The following ANKMY1 variants were observed in gnomAD, a reference collection of about 807,000 sequenced individuals.
ANKMY1 encodes the protein ankyrin repeat and MYND domain containing 1.
Under a neutral mutation model 102.0 loss-of-function variants are expected in ANKMY1, and 98 were observed. That is an observed-to-expected ratio of 0.96 (90% CI 0.82 to 1.14). The LOEUF (loss-of-function observed/expected upper bound fraction) is 1.14, where lower values mean the gene tolerates loss of function less well. Ranked by LOEUF, ANKMY1 falls within the 50% of genes most tolerant of loss-of-function variation. The probability of loss-of-function intolerance (pLI) is 0.00; values close to 1 mark genes in which losing one functional copy is unlikely to be tolerated. For synonymous variants in ANKMY1, 582 were observed against 559.9 expected, an observed-to-expected ratio of 1.04 and a Z score of -0.56; for missense variants, 1,330 against 1,347.6, an observed-to-expected ratio of 0.99 and a Z score of 0.20.
chr2:240,488,881 T>TA (rs2076337319), intron 15 of ANKMY1, among the ~76,000 whole-genome samples: 1 of 152,132 alleles, frequency 6.6e-6, no homozygotes, highest in African/African-American at 2.4e-5. Flanking sequence ...AGTCTTTAGG[T>TA]TTTTCTAGAT....
At chr2:240,508,639 C>A (rs1436700573) in intron 12 of ANKMY1, among the ~76,000 whole-genome samples, 1 of 152,196 alleles carries the variant, frequency 6.6e-6, no homozygotes. Context: ...GGCCTGGCTC[C>A]TCCAACGAGA....
intron 15 of ANKMY1, among the ~76,000 whole-genome samples, chr2:240,485,148 G>A (rs2075894197): frequency 6.6e-6 from 1 of 152,036 alleles, no homozygotes; most frequent in Non-Finnish European, 1.5e-5. Flanking sequence ...CTAACACAGT[G>A]AAACCCCGTC....
At chr2:240,552,833 G>A in intron 4 of ANKMY1, 81 bp downstream of exon 4, 1 of 1,600,040 alleles carries the variant, frequency 6.2e-7, no homozygotes, top group Non-Finnish European at 8.5e-7. Flanking sequence ...AACTTCCCCA[G>A]GACCGAAATA....
chr2:240,509,071 G>A (rs977580491), intron 12 of ANKMY1, among the ~76,000 whole-genome samples: 5 of 151,924 alleles, frequency 3.3e-5, no homozygotes, highest in Non-Finnish European at 7.4e-5. Flanking sequence ...GTAGATGGAT[G>A]GGTGAGTAGA....
chr2:240,540,694 T>G (rs543658856), intron 4 of ANKMY1, among the ~76,000 whole-genome samples: 2 of 152,348 alleles, frequency 1.3e-5, no homozygotes, highest in African/African-American at 2.4e-5. Context: ...GATTAAAGCC[T>G]TCTTCTTTTG....
upstream of ANKMY1, chr2:240,560,747 C>T (rs767410576): frequency 3.4e-5 from 51 of 1,509,202 alleles, no homozygotes; most frequent in African/African-American, 5.5e-4. Context: ...CGTTGGTGCG[C>T]GTCGCGCCCT....
upstream of ANKMY1, chr2:240,558,436 G>C (rs1432548030): frequency 6.6e-6 from 1 of 151,676 alleles, no homozygotes; most frequent in East Asian, 1.9e-4. Context: ...GGCCGCAAGA[G>C]TCACCGCAGA....
chr2:240,503,820 G>A lies in ANKMY1; in HGVS notation c.2527-3255C>T, dbSNP rs180768966. On this transcript the variant is annotated intron_variant, in intron 13 of 17. Coordinates refer to ENST00000401804, the MANE Select transcript of ANKMY1 (RefSeq NM_001282771.3). ...ATTTGGACATAGGGTCGTTGCAGACGATCAAAGTAACATGAGGTCCTTAGG... is the reference window on the plus strand; with the variant it reads ...ATTTGGACATAGGGTCGTTGCAGACAATCAAAGTAACATGAGGTCCTTAGG... Among the ~76,000 whole-genome samples, 111 of 152,312 alleles carry A rather than the reference G, an allele frequency of 7.3e-4. 2 individuals are homozygous for A. The highest frequency in any genetic ancestry group is 2.6e-3 in the African/African-American group (107 of 41,566).
At chr2:240,513,838 C>T (rs1287742328) in intron 9 of ANKMY1, among the ~76,000 whole-genome samples, 1 of 152,232 alleles carries the variant, frequency 6.6e-6, no homozygotes, top group Non-Finnish European at 1.5e-5. Flanking sequence ...GGGCCAGCAG[C>T]GTCCATACCC....
chr2:240,484,410 C>T (rs1434034018), intron 15 of ANKMY1, among the ~76,000 whole-genome samples: 1 of 152,170 alleles, frequency 6.6e-6, no homozygotes, highest in Non-Finnish European at 1.5e-5. Context: ...CATCTACAAC[C>T]ATCTGATCTT....
intron 4 of ANKMY1, among the ~76,000 whole-genome samples, chr2:240,548,460 G>A (rs2090875833): frequency 1.3e-5 from 2 of 152,068 alleles, no homozygotes; most frequent in South Asian, 4.2e-4. Flanking sequence ...GCACAAGACA[G>A]GGATGCCCTC....
Position 240,524,346 on chromosome 2 carries a change from T to G in ANKMY1, c.1371A>C (p.Ser457=). 6.2e-7 allele frequency: 1 copy of G among 1,606,416 alleles called. No homozygotes were observed. Among genetic ancestry groups the G allele is most frequent in the Non-Finnish European group, 8.5e-7 (1 of 1,175,458 alleles). ...CCAGGTTTGTGTCCATAAATGATGATGAAAGGATTGGAACAACTGGGAATT... is the reference window on the plus strand; with the variant it reads ...CCAGGTTTGTGTCCATAAATGATGAGGAAAGGATTGGAACAACTGGGAATT... ...PPKFPVVPIL[S]SSFMDTNLES... Residue 457 remains serine (S), a synonymous_variant, in exon 8 of 18, where the codon TCA becomes TCC. Coordinates refer to ENST00000401804, the MANE Select transcript of ANKMY1 (RefSeq NM_001282771.3).
intron 15 of ANKMY1, among the ~76,000 whole-genome samples, chr2:240,483,500 G>T (rs550127174): frequency 5.1e-4 from 78 of 152,334 alleles, no homozygotes; most frequent in Middle Eastern, 3.4e-3. Flanking sequence ...ACAGCACATA[G>T]ATGGATCTTG....
At position 240,492,399 on chromosome 2, in the gene ANKMY1, CTTAT is replaced by C. The variant is rs1225831380; in HGVS notation, c.2806+7555_2806+7558del. Among the ~76,000 whole-genome samples, 6 of 152,262 alleles carry C rather than the reference CTTAT, an allele frequency of 3.9e-5. No homozygotes were observed. The East Asian group carries it at 1.2e-3, about 29-fold the overall frequency. ...TGTCGTAAATATCATGAAGCCTTTG[CTTAT>C]TTGTTTTTATTCTTTTTTCTTTACC... On this transcript the variant is annotated intron_variant, in intron 15 of 17. Coordinates refer to ENST00000401804, the MANE Select transcript of ANKMY1 (RefSeq NM_001282771.3).
At chr2:240,514,956 T>C (rs562733906) in intron 9 of ANKMY1, among the ~76,000 whole-genome samples, 1 of 152,370 alleles carries the variant, frequency 6.6e-6, no homozygotes, top group South Asian at 2.1e-4. Flanking sequence ...AGTGCTGATG[T>C]TCTGCTCTTG....
In ANKMY1 at chr2:240,518,269, A is replaced by G. The variant is rs565983945; in HGVS notation, c.2004+2093T>C. Among the ~76,000 whole-genome samples the G allele has an allele frequency of 3.9e-5, 6 of 152,282 alleles. No individual in the cohort carries two copies. The East Asian group carries it at 9.6e-4, about 24-fold the overall frequency. ...ACCAGCAGTCCTCCTAAATAGTATC[A>G]AGGAACAGAGACTCACTAGATCACA... On this transcript the variant is annotated intron_variant, in intron 9 of 17. Transcript: ENST00000401804.
At chr2:240,556,713 C>T (rs2092387981) in intron 2 of ANKMY1, among the ~76,000 whole-genome samples, 2 of 152,194 alleles carry the variant, frequency 1.3e-5, no homozygotes, top group Non-Finnish European at 2.9e-5. Flanking sequence ...AGACTTTGGG[C>T]ACTCTACGGG....
chr2:240,518,855 C>T (rs920053208), intron 9 of ANKMY1, among the ~76,000 whole-genome samples: 2 of 152,136 alleles, frequency 1.3e-5, no homozygotes, highest in Admixed American at 1.3e-4. Flanking sequence ...TCTGTGTAAT[C>T]TTACACTTGG....
At chr2:240,498,193 G>T (rs979309552) in intron 15 of ANKMY1, among the ~76,000 whole-genome samples, 79 of 150,124 alleles carry the variant, frequency 5.3e-4, no homozygotes, top group African/African-American at 1.9e-3. Context: ...TGTTGGGGGG[G>T]GACATATGGG....
Sources: allele counts gnomAD v4.1 joint callset (sites outside exome capture counted in the v4.1 genomes callset), GRCh38; gene constraint gnomAD v4.1.1; transcripts MANE v1.5; gene names NCBI Gene and HGNC (gene_info 2026-07-23, HGNC 2026-07-21).